The following TNFAIP6 variants were observed in gnomAD, a reference collection of about 807,000 sequenced individuals.
TNFAIP6 encodes TNF alpha induced protein 6, also known as tumor necrosis factor-inducible gene 6 protein.
TNFAIP6 carries 36 observed loss-of-function variants against 33.7 expected under a neutral mutation model. That is an observed-to-expected ratio of 1.07 (90% CI 0.82 to 1.41). The LOEUF is 1.41. Ranked by LOEUF, TNFAIP6 falls within the 40% of genes most tolerant of loss-of-function variation. TNFAIP6 has a pLI of 0.00. For synonymous variants in TNFAIP6, 113 were observed against 112.8 expected, an observed-to-expected ratio of 1.00 and a Z score of -0.01; for missense variants, 273 against 331.9, an observed-to-expected ratio of 0.82 and a Z score of 1.38.
chr2:151,362,635 T>C (rs907914783), intron 1 of TNFAIP6, among the ~76,000 whole-genome samples: 20 of 151,594 alleles, frequency 1.3e-4, no homozygotes, highest in South Asian at 4.2e-4. Flanking sequence ...GGACTACAGG[T>C]GCCTGCCACC....
chr2:151,372,814 G>A (rs1684839853), intron 4 of TNFAIP6, among the ~76,000 whole-genome samples: 1 of 151,948 alleles, frequency 6.6e-6, no homozygotes, highest in Non-Finnish European at 1.5e-5. Flanking sequence ...CAGCTACTCG[G>A]GAGCCTGAGG....
At chr2:151,373,463 A>G in intron 4 of TNFAIP6, 86 bp from the exon 5 acceptor site, 1 of 645,608 alleles carries the variant, frequency 1.5e-6, no homozygotes, top group Non-Finnish European at 2.5e-6. Flanking sequence ...GCTATTACTT[A>G]GAGGCTTAAT....
chr2:151,375,096 G>A (rs1684879975), intron 5 of TNFAIP6, among the ~76,000 whole-genome samples: 1 of 132,708 alleles, frequency 7.5e-6, no homozygotes. Flanking sequence ...TTGCACTCCA[G>A]CCTGAGCAAC....
chr2:151,377,099 A>T (rs1320640970), intron 5 of TNFAIP6, among the ~76,000 whole-genome samples: 1 of 151,788 alleles, frequency 6.6e-6, no homozygotes, highest in Non-Finnish European at 1.5e-5. Context: ...TCAGCCTCCC[A>T]AAGTGCTGGG....
At position 151,357,652 on chromosome 2, in the gene TNFAIP6, A is replaced by C; in HGVS notation, c.-15A>C. 6.4e-7 allele frequency: 1 copy of C among 1,551,648 alleles called. No individual in the cohort carries two copies. The highest frequency in any genetic ancestry group is 8.9e-7 in the Non-Finnish European group (1 of 1,123,516). On this transcript the variant is annotated 5_prime_UTR_variant, in exon 1 of 6. Coordinates refer to ENST00000243347, the MANE Select transcript of TNFAIP6 (RefSeq NM_007115.4). ...GCAGCCCCTAACAGGCTGTTACTTC[A>C]CTACAACTGACGATATGATCATCTT...
chr2:151,377,249 A>C (rs1684929239), intron 5 of TNFAIP6, among the ~76,000 whole-genome samples: 1 of 151,390 alleles, frequency 6.6e-6, no homozygotes. Flanking sequence ...GGCTCACTGC[A>C]AGCTCCGCCT....
In TNFAIP6 at chr2:151,364,053, A is replaced by C. The variant is rs767039176; in HGVS notation, c.205A>C (p.Lys69Gln). 3 of 1,614,128 alleles carry C rather than the reference A, an allele frequency of 1.9e-6. No homozygotes were observed. In the Admixed American group the frequency reaches 5.0e-5, roughly 27 times the overall value. The change falls in exon 2 of 6, where the codon AAG becomes CAG. Residue 69 changes from lysine to glutamine, a missense_variant. Lys to Gln is a moderately conservative substitution (Grantham distance 53). Coordinates refer to ENST00000243347, the MANE Select transcript of TNFAIP6 (RefSeq NM_007115.4). ...EFEGGHLATYKQLEAARKIGF... is the reference protein window; with the variant it reads ...EFEGGHLATYQQLEAARKIGF... ...TGAAGGCGGCCATCTCGCAACTTAC[A>C]AGCAGCTAGAGGCAGCCAGAAAAAT... is the stretch of plus-strand genomic sequence containing the variant.
intron 5 of TNFAIP6, among the ~76,000 whole-genome samples, chr2:151,379,127 A>G (rs561269282): frequency 2.6e-5 from 4 of 152,226 alleles, no homozygotes; most frequent in South Asian, 4.2e-4. Flanking sequence ...TAAATACAAT[A>G]GACAAAATTT....
At chr2:151,368,204 G>T (rs1684749800) in intron 3 of TNFAIP6, 1 of 153,536 alleles carries the variant, frequency 6.5e-6, no homozygotes, top group African/African-American at 2.4e-5. Context: ...ATTATTTTCT[G>T]TATTTTATCC....
In TNFAIP6 at chr2:151,379,609, T is replaced by C; in HGVS notation, c.*76T>C. The C allele has an allele frequency of 1.0e-6, 1 of 982,286 alleles. No individual in the cohort carries two copies. Among genetic ancestry groups the C allele is most frequent in the East Asian group, 3.1e-5 (1 of 32,696 alleles). The allele number at this position is 982,286 out of a possible 1,614,324, so 60.8% of individuals were successfully genotyped here. On this transcript the variant is annotated 3_prime_UTR_variant, in exon 6 of 6. Coordinates refer to ENST00000243347, the MANE Select transcript of TNFAIP6 (RefSeq NM_007115.4). ...TGGAACTCCTTTGATCTCACTGTTA[T>C]TATTAACATTTATTTATTATTTTTC... is the stretch of plus-strand genomic sequence containing the variant.
intron 5 of TNFAIP6, among the ~76,000 whole-genome samples, chr2:151,375,196 C>T (rs946493847): frequency 4.0e-5 from 6 of 148,712 alleles, no homozygotes; most frequent in Non-Finnish European, 5.9e-5. Flanking sequence ...CAACTTACTC[C>T]AAATGTAATC....
intron 3 of TNFAIP6, among the ~76,000 whole-genome samples, chr2:151,367,831 A>G (rs1684740827): frequency 6.6e-6 from 1 of 152,124 alleles, no homozygotes. Context: ...CACTGGGGGA[A>G]CAGCTCACTG....
intron 1 of TNFAIP6, among the ~76,000 whole-genome samples, chr2:151,362,941 C>G (rs973418109): frequency 5.9e-5 from 9 of 152,288 alleles, no homozygotes; most frequent in Middle Eastern, 3.4e-3. Context: ...TACCTTTGCA[C>G]GTTTTTATAT....
intron 3 of TNFAIP6, 120 bp downstream of exon 3, chr2:151,366,337 C>T (rs1360338421): frequency 1.2e-6 from 1 of 824,620 alleles, no homozygotes; most frequent in African/African-American, 1.7e-5. Flanking sequence ...ATAACTACTA[C>T]TAATAACTAC....
At position 151,377,262 on chromosome 2, in the gene TNFAIP6, C is replaced by T. The variant is rs566061496; in HGVS notation, c.665-2102C>T. Among the ~76,000 whole-genome samples, 9 of 151,836 alleles carry T rather than the reference C, an allele frequency of 5.9e-5. No individual in the cohort carries two copies. The South Asian group carries it at 1.7e-3, about 28-fold the overall frequency. On this transcript the variant is annotated intron_variant, in intron 5 of 5. Coordinates refer to ENST00000243347, the MANE Select transcript of TNFAIP6 (RefSeq NM_007115.4). Reference sequence around the variant, plus strand: ...TCGGCTCACTGCAAGCTCCGCCTCCCGGGTTCACGCCATTCTCCTGCCTCA... The same window carrying T: ...TCGGCTCACTGCAAGCTCCGCCTCCTGGGTTCACGCCATTCTCCTGCCTCA...
intron 4 of TNFAIP6, among the ~76,000 whole-genome samples, chr2:151,373,313 TAAATAAAATA>T (rs1053984173): frequency 2.0e-5 from 3 of 152,196 alleles, no homozygotes; most frequent in African/African-American, 7.2e-5. Context: ...AGACTCCATC[TAAATAAAATA>T]AAATAAAATA....
Position 151,366,200 on chromosome 2 carries a change from A to G in TNFAIP6, c.377A>G (p.Tyr126Cys). 6.2e-7 allele frequency: 1 copy of G among 1,614,162 alleles called. No individual in the cohort carries two copies. The highest frequency in any genetic ancestry group is 8.5e-7 in the Non-Finnish European group (1 of 1,180,008). ...RLNRSERWDA[Y>C]CYNPHAKECG... ...AATAGGAGTGAAAGATGGGATGCCT[A>G]TTGCTACAACCCACACGGTGTGTTA... The change falls in exon 3 of 6, where the codon TAT (tyrosine) becomes TGT (cysteine). Residue 126 changes from tyrosine to cysteine, a missense_variant. Coordinates refer to ENST00000243347, the MANE Select transcript of TNFAIP6 (RefSeq NM_007115.4).
chr2:151,358,575 T>A (rs1415414753), intron 1 of TNFAIP6, among the ~76,000 whole-genome samples: 1 of 152,150 alleles, frequency 6.6e-6, no homozygotes, highest in African/African-American at 2.4e-5. Flanking sequence ...TAAAAAAAAA[T>A]TGAATTTCTT....
At chr2:151,376,016 C>A (rs541292993) in intron 5 of TNFAIP6, among the ~76,000 whole-genome samples, 21 of 152,038 alleles carry the variant, frequency 1.4e-4, no homozygotes, top group Admixed American at 2.6e-4. Context: ...GAGGCCAAGG[C>A]GGGTGGATCA....
Sources: gnomAD v4.1 joint callset for allele counts (sites outside exome capture counted in the v4.1 genomes callset) on GRCh38, gnomAD v4.1.1 for gene constraint, MANE v1.5 for transcripts, NCBI Gene and HGNC (gene_info 2026-07-23, HGNC 2026-07-21) for gene names.